The following AKAP19 variants were observed in gnomAD, a reference collection of about 807,000 sequenced individuals.
AKAP19 encodes the protein A-kinase anchoring protein 19, also known as small A-kinase anchoring protein.
At chr2:190,148,143 T>C in the AKAP19 span, among the ~76,000 whole-genome samples, 1 of 152,198 alleles carries the variant, frequency 6.6e-6, no homozygotes, top group South Asian at 2.1e-4. Flanking sequence ...GGCTGTGGCT[T>C]TGTCATAGAT....
chr2:189,962,938 T>C, the AKAP19 span, among the ~76,000 whole-genome samples: 21 of 152,092 alleles, frequency 1.4e-4, no homozygotes, highest in Non-Finnish European at 2.9e-4. Flanking sequence ...TGGATGCTGT[T>C]TGATAGCATT....
the AKAP19 span, among the ~76,000 whole-genome samples, chr2:190,170,104 C>T: frequency 6.6e-6 from 1 of 152,156 alleles, no homozygotes; most frequent in African/African-American, 2.4e-5. Context: ...AGATCATGGG[C>T]GACAGCACAA....
chr2:190,162,011 C>G, the AKAP19 span, among the ~76,000 whole-genome samples: 2 of 152,148 alleles, frequency 1.3e-5, no homozygotes, highest in Non-Finnish European at 2.9e-5. Flanking sequence ...CAAGTTTCCT[C>G]AAAGTAATTG....
the AKAP19 span, among the ~76,000 whole-genome samples, chr2:190,100,901 T>C: frequency 2.0e-5 from 3 of 152,250 alleles, no homozygotes; most frequent in East Asian, 5.8e-4. Context: ...CCCCAGTAGG[T>C]GAGAGAGGCA....
chr2:189,932,265 G>T, the AKAP19 span, among the ~76,000 whole-genome samples: 1 of 152,106 alleles, frequency 6.6e-6, no homozygotes, highest in Non-Finnish European at 1.5e-5. Context: ...AAAATTAGCT[G>T]GATGTGGTGG....
At chr2:190,185,218 C>A in the AKAP19 span, among the ~76,000 whole-genome samples, 1 of 152,102 alleles carries the variant, frequency 6.6e-6, no homozygotes, top group Non-Finnish European at 1.5e-5. Flanking sequence ...AGTGGTTTTA[C>A]TACATAAAGA....
chr2:190,097,878 A>AAG, the AKAP19 span, among the ~76,000 whole-genome samples: 3 of 144,332 alleles, frequency 2.1e-5, no homozygotes, highest in Non-Finnish European at 3.0e-5. Flanking sequence ...AAAAAAAAAA[A>AAG]AAAGAAAAGA....
chr2:189,942,127 G>A, the AKAP19 span, among the ~76,000 whole-genome samples: 1 of 152,128 alleles, frequency 6.6e-6, no homozygotes, highest in Non-Finnish European at 1.5e-5. Context: ...ATCTCATGTT[G>A]AATTATAATC....
At chr2:190,103,953 T>C in the AKAP19 span, among the ~76,000 whole-genome samples, 1 of 152,324 alleles carries the variant, frequency 6.6e-6, no homozygotes, top group East Asian at 1.9e-4. Flanking sequence ...AAGGTCACAG[T>C]AACCAAAACA....
chr2:190,156,006 T>C, the AKAP19 span, among the ~76,000 whole-genome samples: 5 of 152,104 alleles, frequency 3.3e-5, no homozygotes, highest in African/African-American at 1.2e-4. Context: ...GATAAAGTGA[T>C]CTTAAAGGCT....
chr2:189,919,852 T>G, the AKAP19 span, among the ~76,000 whole-genome samples: 1 of 152,218 alleles, frequency 6.6e-6, no homozygotes, highest in Non-Finnish European at 1.5e-5. Flanking sequence ...CCCTTCATCT[T>G]GCCCCTCCTC....
At chr2:190,053,301 C>G in the AKAP19 span, among the ~76,000 whole-genome samples, 1 of 152,124 alleles carries the variant, frequency 6.6e-6, no homozygotes, top group Non-Finnish European at 1.5e-5. Flanking sequence ...ATCTTGCGTT[C>G]TTGACAGGAT....
At chr2:189,939,194 A>G in the AKAP19 span, among the ~76,000 whole-genome samples, 1 of 152,198 alleles carries the variant, frequency 6.6e-6, no homozygotes, top group African/African-American at 2.4e-5. Context: ...GAGATGCCAA[A>G]TCAATCAGTG....
At chr2:190,094,384 A>G in the AKAP19 span, among the ~76,000 whole-genome samples, 6 of 152,202 alleles carry the variant, frequency 3.9e-5, no homozygotes, top group African/African-American at 9.7e-5. Flanking sequence ...CATTTTGTAG[A>G]TAAGAAAACT....
chr2:190,064,644 T>A, the AKAP19 span, among the ~76,000 whole-genome samples: 2 of 152,196 alleles, frequency 1.3e-5, no homozygotes, highest in African/African-American at 4.8e-5. Context: ...AATTGATAAC[T>A]GGCATTTGAG....
the AKAP19 span, among the ~76,000 whole-genome samples, chr2:190,074,592 A>G: frequency 1.3e-5 from 2 of 152,090 alleles, no homozygotes; most frequent in Admixed American, 1.3e-4. Context: ...TGGAAGTTGC[A>G]GTGAGCTGAG....
chr2:190,019,323 A>G, the AKAP19 span, among the ~76,000 whole-genome samples: 1 of 151,988 alleles, frequency 6.6e-6, no homozygotes, highest in Non-Finnish European at 1.5e-5. Flanking sequence ...TTACACTTCC[A>G]TGGGGGCAGA....
the AKAP19 span, among the ~76,000 whole-genome samples, chr2:190,054,282 G>A: frequency 3.3e-5 from 5 of 152,160 alleles, no homozygotes; most frequent in East Asian, 7.7e-4. Context: ...AAACTGGCTA[G>A]CCATATGTAG....
At chr2:190,037,113 G>C in the AKAP19 span, among the ~76,000 whole-genome samples, 134,277 of 152,240 alleles carry the variant, frequency 0.88, 61,064 homozygotes, top group East Asian at 1. Context: ...CAATGAGAGC[G>C]GAAATGGCTC....
Sources: allele counts gnomAD v4.1 joint callset (sites outside exome capture counted in the v4.1 genomes callset), GRCh38; gene constraint gnomAD v4.1.1; transcripts MANE v1.5; gene names NCBI Gene and HGNC (gene_info 2026-07-23, HGNC 2026-07-21).